PLB1: variants seen among roughly 807,000 people sequenced by gnomAD.
PLB1 encodes phospholipase B1, membrane-associated.
PLB1 carries 242 observed loss-of-function variants against 227.4 expected under a neutral mutation model. The observed-to-expected ratio is 1.06, with a 90% CI of 0.96 to 1.18. The LOEUF (loss-of-function observed/expected upper bound fraction) is 1.18, where lower values mean the gene tolerates loss of function less well. Ranked by LOEUF, PLB1 falls within the 50% of genes most tolerant of loss-of-function variation. PLB1 has a pLI of 0.00. For synonymous variants in PLB1, 757 were observed against 682.2 expected (o/e 1.11, Z -1.71); for missense variants, 1,858 against 1,816.3 (o/e 1.02, Z -0.42).
chr2:28,573,976 C>T (rs574827626), intron 21 of PLB1, among the ~76,000 whole-genome samples: 51 of 152,194 alleles, frequency 3.4e-4, no homozygotes, highest in Non-Finnish European at 6.6e-4. Context: ...GTGAGCACGG[C>T]CATCACTGTC....
intron 20 of PLB1, 128 bp downstream of exon 20, chr2:28,566,967 G>T: frequency 9.0e-7 from 1 of 1,105,304 alleles, no homozygotes; most frequent in Non-Finnish European, 1.3e-6. Flanking sequence ...TCACCAGGGG[G>T]CGCTGCCTCC....
At chr2:28,574,384 C>CTTT (rs70956023) in intron 21 of PLB1, among the ~76,000 whole-genome samples, 35,205 of 73,604 alleles carry the variant, frequency 0.48, 10,500 homozygotes, top group Middle Eastern at 0.65. Context: ...TTATATCATT[C>CTTT]TTTTTTTTTT....
At chr2:28,529,533 C>A in intron 7 of PLB1, 126 bp downstream of exon 7, 2 of 955,338 alleles carry the variant, frequency 2.1e-6, no homozygotes, top group Non-Finnish European at 3.2e-6. Flanking sequence ...AAGTCAAAGC[C>A]CAAATGCCCC....
intron 1 of PLB1, among the ~76,000 whole-genome samples, chr2:28,516,340 G>A (rs1668849030): frequency 6.6e-6 from 1 of 152,198 alleles, no homozygotes; most frequent in Non-Finnish European, 1.5e-5. Context: ...ACTTAGTACA[G>A]TCATGGCTGC....
intron 25 of PLB1, among the ~76,000 whole-genome samples, chr2:28,583,227 C>T (rs560853560): frequency 6.6e-6 from 1 of 151,972 alleles, no homozygotes; most frequent in East Asian, 1.9e-4. Context: ...GCTCTGTTGC[C>T]TAGGCTGGAG....
chr2:28,523,087 A>G (rs374571148), intron 4 of PLB1, among the ~76,000 whole-genome samples: 102 of 152,282 alleles, frequency 6.7e-4, no homozygotes, highest in African/African-American at 2.4e-3. Context: ...GAACTTCAAA[A>G]ATCAGTTATG....
In PLB1 at chr2:28,563,546, C is replaced by T. The variant is rs116242581; in HGVS notation, c.1206+447C>T. On this transcript the variant is annotated intron_variant, in intron 18 of 57. Coordinates refer to ENST00000327757, the MANE Select transcript of PLB1 (RefSeq NM_153021.5). ...GAAGAGAGGTGAAGAGATGATGAGA[C>T]AGGGCAAGTGCTAATGGGGGCAGGG... Among the ~76,000 whole-genome samples the T allele has an allele frequency of 6.8e-3, 977 of 143,776 alleles. 16 individuals carry two copies. The highest frequency in any genetic ancestry group is 0.025 in the African/African-American group (934 of 38,014). 94.3% of individuals were successfully genotyped at this position (143,776 alleles called of 152,430 possible).
chr2:28,608,139 G>A (rs1380996176), intron 43 of PLB1, among the ~76,000 whole-genome samples: 2 of 152,210 alleles, frequency 1.3e-5, no homozygotes, highest in Non-Finnish European at 2.9e-5. Flanking sequence ...GCAGAGGTGA[G>A]CAGATCCAGC....
chr2:28,536,427 A>C (rs965818700), intron 9 of PLB1, among the ~76,000 whole-genome samples: 1 of 127,740 alleles, frequency 7.8e-6, no homozygotes, highest in Non-Finnish European at 1.7e-5. Context: ...AAATGAAAAA[A>C]AGAGCTGATT....
chr2:28,633,345 T>A, intron 56 of PLB1: 1 of 377,752 alleles, frequency 2.6e-6, no homozygotes, highest in East Asian at 5.7e-5. Flanking sequence ...AAATACCAAC[T>A]TCTACCTCGT....
intron 26 of PLB1, 110 bp downstream of exon 26, chr2:28,585,952 C>A: frequency 1.0e-6 from 1 of 970,908 alleles, no homozygotes; most frequent in Non-Finnish European, 1.6e-6. Flanking sequence ...TGGGGGATGA[C>A]CACTGACTAG....
At chr2:28,554,518 TAA>T (rs1674746521) in intron 17 of PLB1, among the ~76,000 whole-genome samples, 1 of 131,816 alleles carries the variant, frequency 7.6e-6, no homozygotes, top group East Asian at 2.2e-4. Flanking sequence ...TTTTTTTTTT[TAA>T]GAGATGGGGT....
chr2:28,558,594 A>T (rs1056128161), intron 17 of PLB1, among the ~76,000 whole-genome samples: 1 of 152,170 alleles, frequency 6.6e-6, no homozygotes, highest in Non-Finnish European at 1.5e-5. Context: ...TTCTAACCAC[A>T]TGGTGTAGCT....
At chr2:28,551,360 A>C (rs978045401) in intron 16 of PLB1, among the ~76,000 whole-genome samples, 5 of 152,216 alleles carry the variant, frequency 3.3e-5, no homozygotes, top group African/African-American at 7.2e-5. Context: ...CTGGGAAAGC[A>C]AGGAACACTC....
intron 1 of PLB1, 73 bp downstream of exon 1, chr2:28,496,242 G>GGT (rs1666420123): frequency 2.1e-6 from 3 of 1,426,236 alleles, no homozygotes; most frequent in Non-Finnish European, 2.9e-6. Context: ...TTAGGCAATG[G>GGT]GTGTGTGAGA....
chr2:28,607,625 T>C (rs1684871192), intron 43 of PLB1, among the ~76,000 whole-genome samples: 1 of 152,072 alleles, frequency 6.6e-6, no homozygotes. Context: ...ATGCCTCTAG[T>C]CCAGGTGGTC....
Position 28,566,827 on chromosome 2 carries a change from A to G in PLB1, c.1312A>G (p.Thr438Ala), listed in dbSNP as rs994244680. The G allele has an allele frequency of 4.3e-6, 7 of 1,613,872 alleles. No homozygotes were observed. Among genetic ancestry groups the G allele is most frequent in the Admixed American group, 3.3e-5 (2 of 59,924 alleles). ...VGGDENIGTV[T>A]TLANILREFN... ...CGGAGATGAGAACATCGGCACCGTT[A>G]CCACCCTGGCGAGTGAGTACGCGGC... The change falls in exon 20 of 58, where the codon ACC becomes GCC. Residue 438 changes from threonine to alanine, a missense_variant. By Grantham distance (58) the Thr-to-Ala change is moderately conservative. Transcript: ENST00000327757.
At chr2:28,570,893 T>A (rs1677899784) in intron 20 of PLB1, among the ~76,000 whole-genome samples, 1 of 152,182 alleles carries the variant, frequency 6.6e-6, no homozygotes, top group Non-Finnish European at 1.5e-5. Flanking sequence ...TAGGCAATGG[T>A]GACAGATGGA....
At position 28,582,118 on chromosome 2, in the gene PLB1, C is replaced by T. The variant is rs1159081781; in HGVS notation, c.1617C>T (p.Asp539=). 1 of 1,613,842 alleles carries T rather than the reference C, an allele frequency of 6.2e-7. No individual in the cohort carries two copies. The highest frequency in any genetic ancestry group is 1.3e-5 in the African/African-American group (1 of 74,918). ...CAGACAACATTGGAAAGGCCCTGGA[C>T]ATCCTCCATGCTGAGGTACGGAGGC... The part of the protein sequence containing the change: ...NFTDNIGKAL[D]ILHAEVPRAF... Residue 539 remains aspartate (D), a synonymous_variant, in exon 24 of 58, where the codon GAC becomes GAT. Transcript: ENST00000327757.
Sources: allele counts gnomAD v4.1 joint callset (sites outside exome capture counted in the v4.1 genomes callset), GRCh38; gene constraint gnomAD v4.1.1; transcripts MANE v1.5; gene names NCBI Gene and HGNC (gene_info 2026-07-23, HGNC 2026-07-21).